Variants in PDE10A observed in about 807,000 individuals in gnomAD.
PDE10A encodes cAMP and cAMP-inhibited cGMP 3',5'-cyclic phosphodiesterase 10A.
Under a neutral mutation model 97.7 loss-of-function variants are expected in PDE10A, and 39 were observed. That is an observed-to-expected ratio of 0.40 (90% CI 0.31 to 0.52). PDE10A has a LOEUF of 0.52. PDE10A is among the 20% of genes least tolerant of loss of function. The pLI, the probability that PDE10A is intolerant of heterozygous loss-of-function variation, is 0.56. For missense variants in PDE10A, 731 were observed against 1,047.8 expected (o/e 0.70, Z 4.17); for synonymous variants, 371 against 376.8 (o/e 0.98, Z 0.18).
chr6:165,779,910 C>T (rs1583077439), intron 1 of PDE10A, among the ~76,000 whole-genome samples: 1 of 152,214 alleles, frequency 6.6e-6, no homozygotes, highest in Non-Finnish European at 1.5e-5. Context: ...TGCCAACCCA[C>T]TCTTCAATTC....
chr6:165,428,525 T>C, intron 10 of PDE10A, 133 bp downstream of exon 10: 1 of 593,344 alleles, frequency 1.7e-6, no homozygotes, highest in Non-Finnish European at 3.0e-6. Context: ...CAGATCAAGG[T>C]GAATTCCTAA....
At chr6:165,381,606 A>G (rs1388707982) in intron 17 of PDE10A, among the ~76,000 whole-genome samples, 1 of 149,498 alleles carries the variant, frequency 6.7e-6, no homozygotes, top group Admixed American at 6.7e-5. Flanking sequence ...CTGGGATTAC[A>G]GGGACGCACC....
chr6:165,332,050 A>T lies in PDE10A; in HGVS notation c.*975T>A, dbSNP rs1310619418. The T allele has an allele frequency of 6.6e-6, 1 of 152,238 alleles. No homozygotes were observed. Among genetic ancestry groups the T allele is most frequent in the Non-Finnish European group, 1.5e-5 (1 of 68,032 alleles). The allele number at this position is 152,238 out of a possible 1,614,324, so 9.4% of individuals were successfully genotyped here. A position where few individuals can be genotyped will look rare whatever the true frequency, so the allele number is the denominator to read the frequency against. On this transcript the variant is annotated 3_prime_UTR_variant, in exon 22 of 22. Coordinates refer to ENST00000539869, the MANE Select transcript of PDE10A (RefSeq NM_001385079.1). ...TTAAAAGAGAACTGTATGGTATTTT[A>T]ATTAAACAATGTTTAAAATAAACTT...
intron 1 of PDE10A, among the ~76,000 whole-genome samples, chr6:165,761,073 G>A (rs375825126): frequency 5.3e-5 from 8 of 152,274 alleles, no homozygotes; most frequent in South Asian, 2.1e-4. Context: ...GGCCTCTCCC[G>A]TTCCCGGGTG....
chr6:165,515,731 T>A (rs1468634776), intron 2 of PDE10A, among the ~76,000 whole-genome samples: 2 of 151,924 alleles, frequency 1.3e-5, no homozygotes, highest in African/African-American at 2.4e-5. Flanking sequence ...ACCATGTTGA[T>A]CAGGCTGCTC....
intron 1 of PDE10A, among the ~76,000 whole-genome samples, chr6:165,759,605 G>C (rs1793203700): frequency 1.3e-5 from 2 of 152,304 alleles, no homozygotes; most frequent in South Asian, 4.2e-4. Context: ...GGAATATTAA[G>C]GCTTAACACA....
At chr6:165,767,883 T>C (rs1008174410) in intron 1 of PDE10A, among the ~76,000 whole-genome samples, 2 of 152,238 alleles carry the variant, frequency 1.3e-5, no homozygotes, top group Admixed American at 1.3e-4. Context: ...CATTTTTACA[T>C]TCTCACTGCA....
intron 18 of PDE10A, among the ~76,000 whole-genome samples, chr6:165,375,469 G>T (rs1320859795): frequency 6.6e-6 from 1 of 152,188 alleles, no homozygotes; most frequent in Non-Finnish European, 1.5e-5. Flanking sequence ...GCTGCAGAAG[G>T]AAAGTATGAA....
intron 1 of PDE10A, among the ~76,000 whole-genome samples, chr6:165,907,547 GC>G (rs1182952622): frequency 6.6e-6 from 1 of 152,250 alleles, no homozygotes; most frequent in African/African-American, 2.4e-5. Flanking sequence ...GTCACTGGCC[GC>G]CCTGAAGTTT....
chr6:165,581,522 A>T (rs1427230664), intron 1 of PDE10A, among the ~76,000 whole-genome samples: 1 of 152,244 alleles, frequency 6.6e-6, no homozygotes, highest in African/African-American at 2.4e-5. Flanking sequence ...TGCATCAGCC[A>T]GCACCATGGT....
intron 1 of PDE10A, among the ~76,000 whole-genome samples, chr6:165,891,684 T>G (rs1467480247): frequency 6.7e-5 from 10 of 149,650 alleles, no homozygotes. Context: ...GAGTGCAGTG[T>G]TGTCGTTATT....
intron 1 of PDE10A, among the ~76,000 whole-genome samples, chr6:165,844,629 A>G (rs1780356987): frequency 6.6e-6 from 1 of 152,250 alleles, no homozygotes; most frequent in South Asian, 2.1e-4. Flanking sequence ...TAAAACCCCA[A>G]GTCGGAATAG....
chr6:165,710,970 C>T (rs1480367671), intron 1 of PDE10A, among the ~76,000 whole-genome samples: 1 of 152,244 alleles, frequency 6.6e-6, no homozygotes, highest in Non-Finnish European at 1.5e-5. Context: ...CCAGGAAGGG[C>T]AGACCATCCC....
At chr6:165,687,163 G>A (rs998253646) in intron 1 of PDE10A, among the ~76,000 whole-genome samples, 1 of 152,188 alleles carries the variant, frequency 6.6e-6, no homozygotes, top group Non-Finnish European at 1.5e-5. Flanking sequence ...CCCCCACTGC[G>A]CTCTGGCAGG....
intron 1 of PDE10A, among the ~76,000 whole-genome samples, chr6:165,907,363 G>A (rs1474125600): frequency 6.6e-6 from 1 of 152,356 alleles, no homozygotes; most frequent in Non-Finnish European, 1.5e-5. Context: ...TGAGGTGTGA[G>A]GGGTGGGCGA....
At chr6:165,911,871 GC>G (rs958327580) in intron 1 of PDE10A, among the ~76,000 whole-genome samples, 1 of 152,186 alleles carries the variant, frequency 6.6e-6, no homozygotes, top group Admixed American at 6.5e-5. Flanking sequence ...TCCGGAGGAA[GC>G]TTTTGAGGGC....
At chr6:165,656,176 A>C (rs1789947004) in intron 1 of PDE10A, among the ~76,000 whole-genome samples, 1 of 151,182 alleles carries the variant, frequency 6.6e-6, no homozygotes, top group African/African-American at 2.4e-5. Context: ...CTCAATTCTC[A>C]TACTTCCCAT....
intron 1 of PDE10A, among the ~76,000 whole-genome samples, chr6:165,972,411 G>A (rs145359641): frequency 2.1e-3 from 318 of 152,180 alleles, no homozygotes; most frequent in Non-Finnish European, 3.7e-3. Flanking sequence ...TACCCTGCCA[G>A]GTGGTATGAC....
At chr6:165,468,348 A>G (rs971454873) in intron 3 of PDE10A, among the ~76,000 whole-genome samples, 1 of 151,974 alleles carries the variant, frequency 6.6e-6, no homozygotes, top group Non-Finnish European at 1.5e-5. Context: ...TCAGCCTCCA[A>G]AAGCGCTGGG....
Sources: allele counts gnomAD v4.1 joint callset (sites outside exome capture counted in the v4.1 genomes callset), GRCh38; gene constraint gnomAD v4.1.1; transcripts MANE v1.5; gene names NCBI Gene and HGNC (gene_info 2026-07-23, HGNC 2026-07-21).